TENM3: variants seen among roughly 807,000 people sequenced by gnomAD.
TENM3 encodes the protein teneurin transmembrane protein 3.
In TENM3, 63 loss-of-function variants were observed where a neutral mutation model predicts 255.1. The observed-to-expected ratio is 0.25, with a 90% CI of 0.20 to 0.30. The LOEUF (loss-of-function observed/expected upper bound fraction) is 0.30. Ranked by LOEUF, TENM3 falls within the 10% of genes least tolerant of loss-of-function variation. TENM3 has a pLI of 1.00. For missense variants in TENM3, 2,929 were observed against 3,461.1 expected (o/e 0.85, Z 3.86); for synonymous variants, 1,306 against 1,322.3 (o/e 0.99, Z 0.27).
chr4:181,609,327 T>C, the TENM3 span, among the ~76,000 whole-genome samples: 2 of 152,250 alleles, frequency 1.3e-5, no homozygotes, highest in Non-Finnish European at 1.5e-5. Context: ...TAAGATGCTT[T>C]TTTCATAATA....
chr4:182,330,066 G>GAA (rs146468595), intron 2 of TENM3, among the ~76,000 whole-genome samples: 19 of 148,274 alleles, frequency 1.3e-4, no homozygotes, highest in African/African-American at 3.7e-4. Context: ...CCTACTGAGA[G>GAA]AAAAAAAAAA....
At chr4:182,385,460 T>C (rs928411200) in intron 3 of TENM3, among the ~76,000 whole-genome samples, 1 of 152,040 alleles carries the variant, frequency 6.6e-6, no homozygotes, top group African/African-American at 2.4e-5. Context: ...AGACAGGATT[T>C]CGCCAAGCTG....
chr4:181,699,287 C>T, the TENM3 span, among the ~76,000 whole-genome samples: 1 of 151,204 alleles, frequency 6.6e-6, no homozygotes, highest in East Asian at 1.9e-4. Flanking sequence ...AAAAATTAGC[C>T]AGGCATGGTG....
chr4:182,763,134 T>C (rs1763350152), intron 22 of TENM3, among the ~76,000 whole-genome samples: 1 of 152,236 alleles, frequency 6.6e-6, no homozygotes, highest in African/African-American at 2.4e-5. Flanking sequence ...ATGACTGGGC[T>C]TTTTAATAAA....
chr4:181,649,833 A>T, the TENM3 span, among the ~76,000 whole-genome samples: 3 of 152,182 alleles, frequency 2.0e-5, no homozygotes, highest in Non-Finnish European at 4.4e-5. Context: ...GTCTCTGTGA[A>T]GTAGAGCTGT....
the TENM3 span, among the ~76,000 whole-genome samples, chr4:181,569,264 A>G: frequency 2.6e-5 from 4 of 152,192 alleles, no homozygotes; most frequent in Non-Finnish European, 4.4e-5. Context: ...TGGTGTGCCT[A>G]TAGTTCACCA....
At chr4:182,621,146 A>G (rs1353464366) in intron 4 of TENM3, among the ~76,000 whole-genome samples, 1 of 150,926 alleles carries the variant, frequency 6.6e-6, no homozygotes, top group Non-Finnish European at 1.5e-5. Context: ...GCACCACTGC[A>G]CTCCAGCCTG....
intron 5 of TENM3, among the ~76,000 whole-genome samples, chr4:182,642,016 G>A (rs1302098844): frequency 6.6e-6 from 1 of 152,148 alleles, no homozygotes; most frequent in East Asian, 1.9e-4. Flanking sequence ...GGGAAGCAGG[G>A]AATAACCCAC....
chr4:182,186,810 T>A (rs1257712236), intron 1 of TENM3, among the ~76,000 whole-genome samples: 2 of 85,716 alleles, frequency 2.3e-5, no homozygotes, highest in Non-Finnish European at 4.4e-5. Context: ...TATATATATA[T>A]ATATGGTCCT....
intron 1 of TENM3, among the ~76,000 whole-genome samples, chr4:182,307,570 G>T (rs1254183757): frequency 6.6e-6 from 1 of 152,032 alleles, no homozygotes; most frequent in Non-Finnish European, 1.5e-5. Flanking sequence ...CCTGACATAG[G>T]GATTATAGCT....
intron 1 of TENM3, among the ~76,000 whole-genome samples, chr4:182,292,271 C>G (rs1761179123): frequency 6.6e-6 from 1 of 152,020 alleles, no homozygotes; most frequent in Non-Finnish European, 1.5e-5. Context: ...TCTCAGAGGC[C>G]CCATGATTGG....
Position 182,306,758 on chromosome 4 carries a change from G to A in TENM3, c.-75-17188G>A, listed in dbSNP as rs1276434513. ...TTTTCAAGTTGTACATACTAGAAAG[G>A]TTCTGTAGATAAAGTATGAGAGGAG... is the stretch of plus-strand genomic sequence containing the variant. On this transcript the variant is annotated intron_variant, in intron 1 of 27. Coordinates refer to ENST00000511685, the MANE Select transcript of TENM3 (RefSeq NM_001080477.4). Among the ~76,000 whole-genome samples the A allele has an allele frequency of 2.0e-5, 3 of 152,256 alleles. No homozygotes were observed. In the East Asian group the frequency reaches 5.8e-4, roughly 29 times the overall value.
Position 182,730,925 on chromosome 4 carries a change from A to C in TENM3, c.2753A>C (p.Glu918Ala), listed in dbSNP as rs1760645030. The C allele has an allele frequency of 1.2e-6, 2 of 1,613,766 alleles. No homozygotes were observed. Among genetic ancestry groups the C allele is most frequent in the Non-Finnish European group, 1.7e-6 (2 of 1,179,864 alleles). The change falls in exon 16 of 28, where the codon GAA becomes GCA. Residue 918 changes from glutamate to alanine, a missense_variant. Transcript: ENST00000511685. ...NGGASLTLVF[E>A]RSPFLTQYHT... ...GGGGCCTCTCTAACTTTGGTATTTG[A>C]ACGATCCCCATTCCTCACTCAGTAT...
the TENM3 span, among the ~76,000 whole-genome samples, chr4:181,963,786 A>G: frequency 6.6e-6 from 1 of 152,198 alleles, no homozygotes; most frequent in Non-Finnish European, 1.5e-5. Context: ...TGCTTGTTAT[A>G]TAAGTAGGTG....
chr4:181,856,077 AGG>A, the TENM3 span, among the ~76,000 whole-genome samples: 1 of 25,410 alleles, frequency 3.9e-5, no homozygotes, highest in East Asian at 4.5e-4. Context: ...GAAAGGAAGA[AGG>A]AAGGAAGGAA....
At chr4:181,646,490 C>T in the TENM3 span, among the ~76,000 whole-genome samples, 1 of 152,108 alleles carries the variant, frequency 6.6e-6, no homozygotes, top group Non-Finnish European at 1.5e-5. Context: ...GATCATGGGG[C>T]AAGGAGCATT....
At chr4:182,068,043 T>C in the TENM3 span, among the ~76,000 whole-genome samples, 1 of 152,152 alleles carries the variant, frequency 6.6e-6, no homozygotes, top group Non-Finnish European at 1.5e-5. Flanking sequence ...GACAATTCCT[T>C]AAAACTGGCA....
chr4:182,227,606 C>A (rs1005699737), intron 1 of TENM3, among the ~76,000 whole-genome samples: 1 of 146,528 alleles, frequency 6.8e-6, no homozygotes, highest in Non-Finnish European at 1.5e-5. Context: ...TCGCTTTAGT[C>A]TAATTTTTTT....
At chr4:182,734,680 G>A (rs567891348) in intron 16 of TENM3, among the ~76,000 whole-genome samples, 16 of 152,174 alleles carry the variant, frequency 1.1e-4, no homozygotes, top group Non-Finnish European at 1.8e-4. Context: ...AGCTCACGCA[G>A]CTGGCAAGAG....
Sources: gnomAD v4.1 joint callset for allele counts (sites outside exome capture counted in the v4.1 genomes callset) on GRCh38, gnomAD v4.1.1 for gene constraint, MANE v1.5 for transcripts, NCBI Gene and HGNC (gene_info 2026-07-23, HGNC 2026-07-21) for gene names.